AIG1: variants seen among roughly 807,000 people sequenced by gnomAD.
The protein encoded by AIG1 is androgen-induced gene 1 protein.
In AIG1, 23 loss-of-function variants were observed where a neutral mutation model predicts 31.4. The observed-to-expected ratio is 0.73, with a 90% CI of 0.53 to 1.04. The LOEUF (loss-of-function observed/expected upper bound fraction) is 1.04, where lower values mean the gene tolerates loss of function less well. Ranked by LOEUF, AIG1 falls within the 50% of genes least tolerant of loss-of-function variation. The probability of loss-of-function intolerance (pLI) is 0.00; values close to 1 mark genes in which losing one functional copy is unlikely to be tolerated. For missense variants in AIG1, 274 were observed against 295.0 expected, an observed-to-expected ratio of 0.93 and a Z score of 0.52; for synonymous variants, 100 against 110.5, an observed-to-expected ratio of 0.90 and a Z score of 0.60.
rs538035913 is a variant in AIG1 at position 143,291,989 on chromosome 6, G to T, written c.515+7764G>T. On this transcript the variant is annotated intron_variant, in intron 4 of 5. Coordinates refer to ENST00000357847, the MANE Select transcript of AIG1 (RefSeq NM_016108.4). The surrounding 1 kb of genome is among the most constrained non-coding windows in gnomAD (Gnocchi z 4.2). Reference sequence around the variant, plus strand: ...TAGAACAAGGAGAAGAGAAGAGAAGGCTATAGAAGAAATCCTGATAAGAGA... The same window carrying T: ...TAGAACAAGGAGAAGAGAAGAGAAGTCTATAGAAGAAATCCTGATAAGAGA... Among the ~76,000 whole-genome samples the T allele has an allele frequency of 1.3e-5, 2 of 152,294 alleles. No homozygotes were observed. Among genetic ancestry groups the T allele is most frequent in the South Asian group, 4.1e-4 (2 of 4,828 alleles).
At chr6:143,271,520 T>C (rs949357932) in intron 3 of AIG1, among the ~76,000 whole-genome samples, 27 of 152,204 alleles carry the variant, frequency 1.8e-4, no homozygotes, top group African/African-American at 6.5e-4. Context: ...TCAATCAAAA[T>C]AACATTTATT....
chr6:143,115,235 G>GT (rs1288824977), intron 1 of AIG1, among the ~76,000 whole-genome samples: 6 of 152,292 alleles, frequency 3.9e-5, no homozygotes, highest in Admixed American at 2.6e-4. Flanking sequence ...TGGTCAAAAT[G>GT]TATACATATT....
intron 2 of AIG1, 87 bp from the exon 3 acceptor site, chr6:143,164,995 T>G: frequency 2.0e-6 from 2 of 1,021,952 alleles, no homozygotes; most frequent in Non-Finnish European, 3.0e-6. Context: ...CAAATTCTGT[T>G]GGATTCTTTC....
At chr6:143,094,514 G>A (rs117199332) in intron 1 of AIG1, among the ~76,000 whole-genome samples, 2,084 of 152,298 alleles carry the variant, frequency 0.014, 20 homozygotes, top group Middle Eastern at 0.044. Context: ...ACCAGCCGGT[G>A]AGTAGGGGAA....
intron 3 of AIG1, among the ~76,000 whole-genome samples, chr6:143,171,387 C>G (rs972314972): frequency 2.2e-5 from 3 of 136,902 alleles, no homozygotes; most frequent in African/African-American, 8.2e-5. Context: ...CTTTTTATGG[C>G]TGCGTAGTAT....
At chr6:143,227,059 ATTC>A (rs1401222026) in intron 3 of AIG1, among the ~76,000 whole-genome samples, 6 of 148,892 alleles carry the variant, frequency 4.0e-5, no homozygotes, top group East Asian at 2.0e-4. Context: ...ACCCAAGGCA[ATTC>A]TTCTTCTTCC....
At chr6:143,332,301 T>C (rs1777146121) in intron 4 of AIG1, among the ~76,000 whole-genome samples, 1 of 152,198 alleles carries the variant, frequency 6.6e-6, no homozygotes. Flanking sequence ...TTATTTAGTC[T>C]TCACAATTGC....
At chr6:143,205,843 A>AT (rs1371193128) in intron 3 of AIG1, among the ~76,000 whole-genome samples, 1 of 152,242 alleles carries the variant, frequency 6.6e-6, no homozygotes, top group East Asian at 1.9e-4. Flanking sequence ...TAAAATACAG[A>AT]TTGCAGGGCA....
chr6:143,205,083 G>A (rs917245834), intron 3 of AIG1, among the ~76,000 whole-genome samples: 1 of 152,164 alleles, frequency 6.6e-6, no homozygotes, highest in Non-Finnish European at 1.5e-5. Flanking sequence ...TGCTCTTTGT[G>A]TACCAAACAC....
intron 3 of AIG1, among the ~76,000 whole-genome samples, chr6:143,215,117 T>A (rs1791925685): frequency 1.3e-5 from 2 of 151,782 alleles, no homozygotes. Context: ...GTAGGTCTTG[T>A]TGAATTAATG....
chr6:143,272,992 C>A (rs1012752774), intron 3 of AIG1, among the ~76,000 whole-genome samples: 2 of 152,080 alleles, frequency 1.3e-5, no homozygotes, highest in African/African-American at 4.8e-5. Flanking sequence ...AGCTGGGCAT[C>A]GTGATCGGCA....
rs942343015 is a variant in AIG1 at position 143,280,723 on chromosome 6, G to T, written c.400-3387G>T. Among the ~76,000 whole-genome samples the T allele has an allele frequency of 6.6e-6, 1 of 152,172 alleles. No homozygotes were observed. Among genetic ancestry groups the T allele is most frequent in the Non-Finnish European group, 1.5e-5 (1 of 68,034 alleles). On this transcript the variant is annotated intron_variant, in intron 3 of 5. Transcript: ENST00000357847. This position sits in a 1 kb window ranked among gnomAD's most constrained non-coding sequence, Gnocchi z 4.1. ...ATAACAGACACTGGGGTCTACTTGAGGGGGAGGTTGGGAGGAGGGAGAGTA... is the reference window on the plus strand; with the variant it reads ...ATAACAGACACTGGGGTCTACTTGATGGGGAGGTTGGGAGGAGGGAGAGTA...
At chr6:143,230,556 C>T (rs2043490) in intron 3 of AIG1, among the ~76,000 whole-genome samples, 43,822 of 149,142 alleles carry the variant, frequency 0.29, 7,183 homozygotes, top group East Asian at 0.71. Flanking sequence ...CATATTACAA[C>T]TATAATATGA....
chr6:143,277,406 C>T (rs547014300), intron 3 of AIG1, among the ~76,000 whole-genome samples: 1 of 152,264 alleles, frequency 6.6e-6, no homozygotes, highest in African/African-American at 2.4e-5. Flanking sequence ...CATCGCTGGC[C>T]CTGCCTGCAG....
intron 5 of AIG1, chr6:143,335,042 T>C: frequency 7.1e-7 from 1 of 1,402,552 alleles, no homozygotes; most frequent in Non-Finnish European, 9.4e-7. Flanking sequence ...TTTTAAAAAT[T>C]CATTTTAGAT....
At chr6:143,155,945 A>G (rs1165811058) in intron 2 of AIG1, among the ~76,000 whole-genome samples, 1 of 152,184 alleles carries the variant, frequency 6.6e-6, no homozygotes, top group Non-Finnish European at 1.5e-5. Context: ...ATGGAGTTAA[A>G]GAGAACTGAA....
In AIG1 at chr6:143,271,506, CCAAT is replaced by C. The variant is rs1343104253; in HGVS notation, c.400-12596_400-12593del. On this transcript the variant is annotated intron_variant, in intron 3 of 5. Transcript: ENST00000357847. ...TCTTATTGCTGCTAGTAGACGTTTG[CCAAT>C]CAATCAAAATAACATTTATTTTCAT... 3.9e-5 allele frequency among the ~76,000 whole-genome samples: 6 copies of C among 152,194 alleles called. No individual in the cohort carries two copies. The East Asian group carries it at 1.2e-3, about 29-fold the overall frequency.
chr6:143,286,131 T>A (rs1017925489), intron 4 of AIG1, among the ~76,000 whole-genome samples: 2 of 152,006 alleles, frequency 1.3e-5, no homozygotes, highest in Non-Finnish European at 2.9e-5. Flanking sequence ...TTCATTTATA[T>A]GCTATTAAAT....
At chr6:143,220,713 G>A (rs1473436785) in intron 3 of AIG1, among the ~76,000 whole-genome samples, 1 of 152,214 alleles carries the variant, frequency 6.6e-6, no homozygotes, top group East Asian at 1.9e-4. Flanking sequence ...TGAAAATTGT[G>A]ATACCAATAA....
Sources: allele counts gnomAD v4.1 joint callset (sites outside exome capture counted in the v4.1 genomes callset), GRCh38; gene constraint gnomAD v4.1.1; non-coding constraint Gnocchi (gnomAD v3.1); transcripts MANE v1.5; gene names NCBI Gene and HGNC (gene_info 2026-07-23, HGNC 2026-07-21).